The following SPAG16 variants were observed in gnomAD, a reference collection of about 807,000 sequenced individuals.
SPAG16 encodes sperm associated antigen 16.
Under a neutral mutation model 80.4 loss-of-function variants are expected in SPAG16, and 86 were observed. The observed-to-expected ratio is 1.07, with a 90% CI of 0.90 to 1.28. SPAG16 has a LOEUF of 1.28. SPAG16 is among the 50% of genes most tolerant of loss of function. The pLI, the probability that SPAG16 is intolerant of heterozygous loss-of-function variation, is 0.00. For synonymous variants in SPAG16, 294 were observed against 265.9 expected, an observed-to-expected ratio of 1.11 and a Z score of -1.03; for missense variants, 870 against 765.3, an observed-to-expected ratio of 1.14 and a Z score of -1.61.
intron 10 of SPAG16, among the ~76,000 whole-genome samples, chr2:213,787,169 C>T (rs879324498): frequency 2.0e-4 from 30 of 152,130 alleles, no homozygotes; most frequent in Middle Eastern, 3.4e-3. Flanking sequence ...CCATGACACA[C>T]GTTTACCTAT....
chr2:213,538,227 T>C (rs774567072), intron 10 of SPAG16, among the ~76,000 whole-genome samples: 1 of 152,180 alleles, frequency 6.6e-6, no homozygotes, highest in Non-Finnish European at 1.5e-5. Flanking sequence ...GATGAAATGT[T>C]TGGATGATAC....
At chr2:213,953,906 G>A (rs576733111) in intron 12 of SPAG16, among the ~76,000 whole-genome samples, 1 of 152,098 alleles carries the variant, frequency 6.6e-6, no homozygotes, top group African/African-American at 2.4e-5. Flanking sequence ...GTGAATTGTG[G>A]AAACTGCAAA....
At chr2:213,724,867 A>G (rs548658214) in intron 10 of SPAG16, among the ~76,000 whole-genome samples, 3 of 148,362 alleles carry the variant, frequency 2.0e-5, no homozygotes, top group South Asian at 4.4e-4. Context: ...CAAAGGATGT[A>G]TTAGGGAAAA....
At chr2:214,028,838 T>C (rs556080508) in intron 13 of SPAG16, among the ~76,000 whole-genome samples, 1 of 152,108 alleles carries the variant, frequency 6.6e-6, no homozygotes, top group Non-Finnish European at 1.5e-5. Context: ...CATTCAATAC[T>C]ATATTTGGCC....
intron 12 of SPAG16, among the ~76,000 whole-genome samples, chr2:213,977,795 T>C (rs2045496428): frequency 1.3e-5 from 2 of 152,108 alleles, no homozygotes; most frequent in African/African-American, 4.8e-5. Flanking sequence ...TTCTTTTCAA[T>C]TAAAACTGGC....
At chr2:213,352,032 G>T (rs112219257) in intron 7 of SPAG16, among the ~76,000 whole-genome samples, 1 of 151,856 alleles carries the variant, frequency 6.6e-6, no homozygotes, top group Non-Finnish European at 1.5e-5. Flanking sequence ...TTGTATAAGC[G>T]TCTGGCATTT....
intron 3 of SPAG16, among the ~76,000 whole-genome samples, chr2:213,303,761 TC>T (rs1282492655): frequency 1.3e-5 from 2 of 152,138 alleles, no homozygotes; most frequent in Non-Finnish European, 2.9e-5. Context: ...GTAGCACATT[TC>T]CTTTCTGCAC....
At chr2:213,488,858 C>G (rs1165846749) in intron 9 of SPAG16, among the ~76,000 whole-genome samples, 1 of 148,088 alleles carries the variant, frequency 6.8e-6, no homozygotes, top group Non-Finnish European at 1.5e-5. Flanking sequence ...GGGAGGATCA[C>G]CTGAGGTAGG....
At chr2:214,407,393 C>T (rs529079273) in intron 15 of SPAG16, among the ~76,000 whole-genome samples, 1 of 152,018 alleles carries the variant, frequency 6.6e-6, no homozygotes, top group Non-Finnish European at 1.5e-5. Flanking sequence ...TTTAAAGAGA[C>T]ATATTTACTT....
intron 15 of SPAG16, among the ~76,000 whole-genome samples, chr2:214,276,163 C>T (rs1038614026): frequency 6.6e-6 from 1 of 152,166 alleles, no homozygotes; most frequent in Non-Finnish European, 1.5e-5. Flanking sequence ...CTTCCTCCAT[C>T]CATTTATTTT....
At chr2:213,355,818 A>G (rs1391970744) in intron 7 of SPAG16, among the ~76,000 whole-genome samples, 1 of 152,184 alleles carries the variant, frequency 6.6e-6, no homozygotes, top group South Asian at 2.1e-4. Context: ...ACGCAGGGAC[A>G]ATTTGACTCC....
intron 15 of SPAG16, among the ~76,000 whole-genome samples, chr2:214,173,355 A>G (rs1463706704): frequency 6.6e-6 from 1 of 152,058 alleles, no homozygotes; most frequent in Non-Finnish European, 1.5e-5. Context: ...TAAATAGGGA[A>G]TCCTTTCCCC....
intron 15 of SPAG16, among the ~76,000 whole-genome samples, chr2:214,380,544 C>A (rs926195498): frequency 1.3e-5 from 2 of 152,136 alleles, no homozygotes; most frequent in African/African-American, 4.8e-5. Flanking sequence ...AATTTAAAGA[C>A]CTTGTTAGAG....
chr2:214,007,132 T>A (rs1042617076), intron 12 of SPAG16, among the ~76,000 whole-genome samples: 1 of 152,100 alleles, frequency 6.6e-6, no homozygotes, highest in Non-Finnish European at 1.5e-5. Flanking sequence ...TAGATTATCA[T>A]TGTAATAACA....
intron 9 of SPAG16, among the ~76,000 whole-genome samples, chr2:213,481,204 A>T (rs1209179401): frequency 1.3e-5 from 2 of 152,218 alleles, no homozygotes; most frequent in African/African-American, 4.8e-5. Flanking sequence ...TGAGAGAGGT[A>T]TAATCTAAAA....
At chr2:213,704,466 A>G (rs947798053) in intron 10 of SPAG16, among the ~76,000 whole-genome samples, 2 of 152,156 alleles carry the variant, frequency 1.3e-5, no homozygotes, top group African/African-American at 4.8e-5. Context: ...GCCCACTTAC[A>G]CAATTACTCT....
At chr2:213,918,185 G>A (rs1327852645) in intron 11 of SPAG16, among the ~76,000 whole-genome samples, 1 of 152,020 alleles carries the variant, frequency 6.6e-6, no homozygotes, top group Non-Finnish European at 1.5e-5. Flanking sequence ...ATTTTGTTGA[G>A]GTTTTTTGTA....
chr2:213,434,505 A>C (rs770648406), intron 9 of SPAG16, among the ~76,000 whole-genome samples: 3 of 152,232 alleles, frequency 2.0e-5, no homozygotes, highest in Non-Finnish European at 2.9e-5. Flanking sequence ...TGCCCAGCAA[A>C]GGAAATAATT....
At chr2:214,375,457 C>T (rs1700069161) in intron 15 of SPAG16, among the ~76,000 whole-genome samples, 1 of 152,134 alleles carries the variant, frequency 6.6e-6, no homozygotes, top group Non-Finnish European at 1.5e-5. Flanking sequence ...TATAGCTTTT[C>T]ATGACATCTC....
Sources: allele counts gnomAD v4.1 joint callset (sites outside exome capture counted in the v4.1 genomes callset), GRCh38; gene constraint gnomAD v4.1.1; transcripts MANE v1.5; gene names NCBI Gene and HGNC (gene_info 2026-07-23, HGNC 2026-07-21).